Variants in CEP135 observed in about 807,000 individuals in gnomAD.
CEP135 encodes the protein centrosomal protein of 135 kDa.
In CEP135, 142 loss-of-function variants were observed where a neutral mutation model predicts 157.3. The observed-to-expected ratio is 0.90, with a 90% CI of 0.79 to 1.04. The LOEUF is 1.04. Ranked by LOEUF, CEP135 falls within the 50% of genes least tolerant of loss-of-function variation. CEP135 has a pLI of 0.00. For missense variants in CEP135, 1,317 were observed against 1,309.2 expected (o/e 1.01, Z -0.09); for synonymous variants, 396 against 439.8 (o/e 0.90, Z 1.25).
intron 21 of CEP135, among the ~76,000 whole-genome samples, chr4:56,015,404 A>G (rs532110116): frequency 6.6e-6 from 1 of 152,320 alleles, no homozygotes; most frequent in African/African-American, 2.4e-5. Context: ...TGTGGCTACC[A>G]CCACAAGCCC....
At chr4:55,953,706 G>C (rs1174432355) in intron 3 of CEP135, among the ~76,000 whole-genome samples, 2 of 152,080 alleles carry the variant, frequency 1.3e-5, no homozygotes, top group East Asian at 1.9e-4. Flanking sequence ...TTAAATGCTG[G>C]ATTTGAAGAA....
At chr4:56,018,766 A>T (rs1178178623) in intron 22 of CEP135, among the ~76,000 whole-genome samples, 1 of 152,164 alleles carries the variant, frequency 6.6e-6, no homozygotes, top group Admixed American at 6.5e-5. Context: ...TCTCAAAAAA[A>T]AAAAGTAAGA....
At chr4:55,967,097 G>A (rs35921148) in intron 8 of CEP135, among the ~76,000 whole-genome samples, 15,275 of 151,558 alleles carry the variant, frequency 0.1, 1,118 homozygotes, top group East Asian at 0.26. Flanking sequence ...TTTAAAAAGA[G>A]TGAATTTTTT....
At chr4:55,950,851 G>A (rs1324919105) in intron 1 of CEP135, among the ~76,000 whole-genome samples, 1 of 151,964 alleles carries the variant, frequency 6.6e-6, no homozygotes. Context: ...GTATACACTT[G>A]TGTAACCACT....
chr4:55,987,298 T>C (rs1729621867), intron 14 of CEP135, among the ~76,000 whole-genome samples: 2 of 152,166 alleles, frequency 1.3e-5, no homozygotes, highest in South Asian at 4.1e-4. Flanking sequence ...CTTGGGTAGT[T>C]TACTCTGTGC....
chr4:56,008,980 C>G (rs1301166180), intron 18 of CEP135, among the ~76,000 whole-genome samples: 1 of 152,170 alleles, frequency 6.6e-6, no homozygotes, highest in Admixed American at 6.5e-5. Flanking sequence ...TCACGGCAAC[C>G]TCACCCTCCC....
chr4:55,980,283 C>T lies in CEP135; in HGVS notation c.1614C>T (p.Val538=), dbSNP rs1729357913. 1 of 1,508,692 alleles carries T rather than the reference C, an allele frequency of 6.6e-7. No individual in the cohort carries two copies. The highest frequency in any genetic ancestry group is 9.1e-7 in the Non-Finnish European group (1 of 1,093,160). 93.5% of individuals were successfully genotyped at this position (1,508,692 alleles called of 1,614,324 possible). ...LLTAERDKLS[V]LYNEAQEELS... is the part of the protein sequence containing the mutation. ...CAGCAGAAAGAGATAAACTAAGTGT[C>T]TTATATAATGAAGTAAGAAATGTAT... is the stretch of plus-strand genomic sequence containing the variant. The change falls in exon 12 of 26, where the codon GTC becomes GTT. Residue 538 remains valine (V), a synonymous_variant. Transcript: ENST00000257287.
chr4:56,021,282 C>T (rs1000401910), intron 24 of CEP135, among the ~76,000 whole-genome samples: 1 of 151,992 alleles, frequency 6.6e-6, no homozygotes, highest in African/African-American at 2.4e-5. Context: ...TGAATCCCAC[C>T]AACAATCTAT....
Position 56,019,550 on chromosome 4 carries a change from C to A in CEP135, c.3210C>A (p.Ser1070Arg). The stretch of plus-strand genomic sequence containing the variant: ...AGGAGAAGTTAACCCTTTCTGAAAG[C>A]AAATTGTAAGTGTCTTAAGTCAACT... Reference protein sequence around the residue: ...LLKEKLTLSESKLTSQSRENT... With the variant: ...LLKEKLTLSERKLTSQSRENT... The change falls in exon 23 of 26, where the codon AGC (serine) becomes AGA (arginine). Residue 1070 changes from serine to arginine, a missense_variant. Coordinates refer to ENST00000257287, the MANE Select transcript of CEP135 (RefSeq NM_025009.5). The A allele has an allele frequency of 6.2e-7, 1 of 1,607,412 alleles. No homozygotes were observed.
In CEP135 at chr4:56,009,815, T is replaced by G; in HGVS notation, c.2417T>G (p.Leu806Arg). Residue 806 changes from leucine to arginine, a missense_variant, in exon 19 of 26, where the codon CTC becomes CGC. Transcript: ENST00000257287. Reference protein sequence around the residue: ...RRQLDAAHKELDEVGRSREIA... With the variant: ...RRQLDAAHKERDEVGRSREIA... ...CAGCTTGATGCAGCTCACAAAGAAC[T>G]CGATGAAGTAGGAAGATCTAGAGAA... The G allele has an allele frequency of 6.2e-7, 1 of 1,614,104 alleles. No individual in the cohort carries two copies. The highest frequency in any genetic ancestry group is 1.1e-5 in the South Asian group (1 of 91,062).
chr4:55,968,482 G>A (rs377633415), intron 8 of CEP135, among the ~76,000 whole-genome samples: 2 of 151,242 alleles, frequency 1.3e-5, no homozygotes, highest in Non-Finnish European at 2.9e-5. Flanking sequence ...AATGAGTACA[G>A]TTTTAATTCT....
In CEP135 at chr4:56,015,178, A is replaced by G. The variant is rs531211083; in HGVS notation, c.2803-2470A>G. On this transcript the variant is annotated intron_variant, in intron 21 of 25. Coordinates refer to ENST00000257287, the MANE Select transcript of CEP135 (RefSeq NM_025009.5). ...GATATGTGACTCATGAATCCAATCA[A>G]TCATCTCAGCAGAATCACTTCCAGC... is the stretch of plus-strand genomic sequence containing the variant. 2.3e-4 allele frequency among the ~76,000 whole-genome samples: 35 copies of G among 152,352 alleles called. No homozygotes were observed. The East Asian group carries it at 3.3e-3, about 14-fold the overall frequency.
chr4:55,995,181 T>C (rs79815167), intron 15 of CEP135, among the ~76,000 whole-genome samples: 4 of 152,334 alleles, frequency 2.6e-5, no homozygotes, highest in Non-Finnish European at 5.9e-5. Context: ...AAAGGAACTT[T>C]TGTCTACCCG....
chr4:56,020,574 GT>G (rs1382480009), intron 23 of CEP135, 101 bp from the exon 24 acceptor site: 2 of 833,770 alleles, frequency 2.4e-6, no homozygotes, highest in Non-Finnish European at 3.9e-6. Context: ...GAGAATTCTT[GT>G]TGAAAGGTCT....
At chr4:55,992,916 G>A (rs187551974) in intron 15 of CEP135, among the ~76,000 whole-genome samples, 5 of 152,196 alleles carry the variant, frequency 3.3e-5, no homozygotes, top group Middle Eastern at 3.4e-3. Flanking sequence ...GATAATGAAG[G>A]TCGGAATAAG....
intron 14 of CEP135, among the ~76,000 whole-genome samples, chr4:55,989,632 C>T (rs1284920369): frequency 6.6e-6 from 1 of 152,170 alleles, no homozygotes; most frequent in Non-Finnish European, 1.5e-5. Context: ...TAATCCCCCT[C>T]CCCTGAAAAA....
intron 14 of CEP135, among the ~76,000 whole-genome samples, chr4:55,987,597 A>G (rs970653940): frequency 3.9e-5 from 6 of 152,122 alleles, no homozygotes; most frequent in Non-Finnish European, 8.8e-5. Flanking sequence ...CCTGGTGCCT[A>G]TTGTCCTGAA....
chr4:55,971,719 A>G (rs1302030084), intron 10 of CEP135, among the ~76,000 whole-genome samples: 1 of 152,226 alleles, frequency 6.6e-6, no homozygotes, highest in Non-Finnish European at 1.5e-5. Flanking sequence ...TTGATAGTGG[A>G]AAATTGAAGT....
chr4:56,012,989 T>C (rs1012967281), intron 21 of CEP135, among the ~76,000 whole-genome samples: 3 of 152,344 alleles, frequency 2.0e-5, no homozygotes, highest in South Asian at 4.1e-4. Flanking sequence ...CCGTAGGTGC[T>C]ACACCATTTT....
Sources: gnomAD v4.1 joint callset for allele counts (sites outside exome capture counted in the v4.1 genomes callset) on GRCh38, gnomAD v4.1.1 for gene constraint, MANE v1.5 for transcripts, NCBI Gene and HGNC (gene_info 2026-07-23, HGNC 2026-07-21) for gene names.